Variants in PLEKHA6 observed in about 807,000 individuals in gnomAD.
PLEKHA6 encodes pleckstrin homology domain containing A6, also known as pleckstrin homology domain-containing family A member 6.
In PLEKHA6, 60 loss-of-function variants were observed where a neutral mutation model predicts 116.7. The observed-to-expected ratio is 0.51, with a 90% confidence interval of 0.42 to 0.64. The LOEUF (loss-of-function observed/expected upper bound fraction) is 0.64, where lower values mean the gene tolerates loss of function less well. Among genes scored for constraint, PLEKHA6 ranks in the 30% least tolerant of loss-of-function variants. The pLI is 0.00. For missense variants in PLEKHA6, 1,338 were observed against 1,422.7 expected, an observed-to-expected ratio of 0.94 and a Z score of 0.96; for synonymous variants, 489 against 556.1, an observed-to-expected ratio of 0.88 and a Z score of 1.70.
In PLEKHA6 at chr1:204,244,826, C is replaced by T. The variant is rs778542303; in HGVS notation, c.2172+38G>A. The stretch of plus-strand genomic sequence containing the variant: ...TCAGACAAACGAGGATCTGGTCCTC[C>T]CTCCCCCACCTACCTTCTACTCCAT... On this transcript the variant is annotated intron_variant, in intron 15 of 22. Transcript: ENST00000272203. The T allele has an allele frequency of 2.7e-5, 40 of 1,483,084 alleles. 1 individual carries two copies. The South Asian group carries it at 5.1e-4, about 19-fold the overall frequency. The allele number at this position is 1,483,084 out of a possible 1,614,324, so 91.9% of individuals were successfully genotyped here.
chr1:204,325,895 C>T (rs769204940), intron 1 of PLEKHA6: 996 of 984,964 alleles, frequency 1.0e-3, no homozygotes, highest in Non-Finnish European at 1.2e-3. Context: ...GCTGCCATTT[C>T]CAGGCTGCCA....
upstream of PLEKHA6, among the ~76,000 whole-genome samples, chr1:204,364,205 C>T: frequency 6.6e-6 from 1 of 152,194 alleles, no homozygotes; most frequent in East Asian, 1.9e-4. Context: ...GTTTCTAACT[C>T]ATCCACCAAC....
intron 5 of PLEKHA6, 85 bp downstream of exon 5, chr1:204,267,390 G>A (rs1209501168): frequency 8.1e-7 from 1 of 1,237,296 alleles, no homozygotes; most frequent in Non-Finnish European, 1.2e-6. Flanking sequence ...CCCATCCAAA[G>A]CCAAGCTCGG....
chr1:204,313,285 T>G (rs543497185), intron 1 of PLEKHA6, among the ~76,000 whole-genome samples: 1 of 151,964 alleles, frequency 6.6e-6, no homozygotes, highest in Non-Finnish European at 1.5e-5. Flanking sequence ...CCTGTTGGAG[T>G]TCACCATCTT....
chr1:204,357,666 C>T (rs1184201538), intron 1 of PLEKHA6, among the ~76,000 whole-genome samples: 1 of 152,204 alleles, frequency 6.6e-6, no homozygotes, highest in Non-Finnish European at 1.5e-5. Flanking sequence ...TGCCAATGAC[C>T]TCATCAAATT....
chr1:204,251,280 G>T (rs970798786), intron 9 of PLEKHA6, among the ~76,000 whole-genome samples: 1 of 152,186 alleles, frequency 6.6e-6, no homozygotes, highest in African/African-American at 2.4e-5. Flanking sequence ...GCAGAGTTGC[G>T]ATCCCCAGCA....
chr1:204,255,255 C>T (rs1396830166), intron 9 of PLEKHA6, among the ~76,000 whole-genome samples: 1 of 152,130 alleles, frequency 6.6e-6, no homozygotes, highest in Admixed American at 6.5e-5. Flanking sequence ...TGAACTAAAT[C>T]CCTAGCATTT....
intron 1 of PLEKHA6, among the ~76,000 whole-genome samples, chr1:204,358,325 C>T (rs1286748292): frequency 6.6e-6 from 1 of 152,044 alleles, no homozygotes; most frequent in Non-Finnish European, 1.5e-5. Flanking sequence ...CAGGCCAGAG[C>T]CTAGCCGCTC....
chr1:204,288,484 C>T (rs1669425621), intron 1 of PLEKHA6, among the ~76,000 whole-genome samples: 1 of 152,166 alleles, frequency 6.6e-6, no homozygotes, highest in Admixed American at 6.5e-5. Flanking sequence ...ATTGGATGAG[C>T]CCACATTATG....
chr1:204,240,224 A>G (rs530748101), intron 17 of PLEKHA6, among the ~76,000 whole-genome samples: 1 of 152,338 alleles, frequency 6.6e-6, no homozygotes, highest in African/African-American at 2.4e-5. Flanking sequence ...ATTAAGGTCA[A>G]TGGGAAACTA....
intron 1 of PLEKHA6, among the ~76,000 whole-genome samples, chr1:204,376,298 C>T (rs2103424501): frequency 6.6e-6 from 1 of 152,308 alleles, no homozygotes; most frequent in African/African-American, 2.4e-5. Flanking sequence ...ACCCCAGATC[C>T]TCTGAATAGG....
At chr1:204,253,713 A>G (rs1337644267) in intron 9 of PLEKHA6, among the ~76,000 whole-genome samples, 1 of 151,986 alleles carries the variant, frequency 6.6e-6, no homozygotes, top group African/African-American at 2.4e-5. Context: ...ACCTGTCTGT[A>G]GTCCTAGCTG....
intron 1 of PLEKHA6, among the ~76,000 whole-genome samples, chr1:204,287,856 C>T (rs1344805683): frequency 6.6e-6 from 1 of 152,238 alleles, no homozygotes; most frequent in Non-Finnish European, 1.5e-5. Context: ...ATTGTCTTGA[C>T]ATCAGGACAG....
Position 204,261,184 on chromosome 1 carries a change from TCA to T in PLEKHA6, c.524+120_524+121del. The T allele has an allele frequency of 8.3e-7, 1 of 1,199,448 alleles. No individual in the cohort carries two copies. 74.3% of individuals were successfully genotyped at this position (1,199,448 alleles called of 1,614,324 possible). The stretch of plus-strand genomic sequence containing the variant: ...TCCCGCCTGGATGCAAGGAGACGGC[TCA>T]CACATTCTCCAGGGCTTCAAGTAGG... On this transcript the variant is annotated intron_variant, in intron 7 of 22. Transcript: ENST00000272203. The surrounding 1 kb of genome is among the most constrained non-coding windows in gnomAD (Gnocchi z 4.0).
In PLEKHA6 at chr1:204,323,955, GT is replaced by G. The variant is rs545186129; in HGVS notation, c.-95+35738del. ...CTGACTCCAGAGCTGTGCTCTTCAA[GT>G]TAGCCCAGTACAGTTCATCCATGAG... is the stretch of plus-strand genomic sequence containing the variant. On this transcript the variant is annotated intron_variant, in intron 1 of 22. Coordinates refer to ENST00000272203, the MANE Select transcript of PLEKHA6 (RefSeq NM_014935.5). Among the ~76,000 whole-genome samples, 408 of 152,264 alleles carry G rather than the reference GT, an allele frequency of 2.7e-3. 2 individuals carry two copies. The highest frequency in any genetic ancestry group is 2.6e-3 in the Non-Finnish European group (174 of 68,024).
At chr1:204,349,150 G>A (rs1351856181) in intron 1 of PLEKHA6, among the ~76,000 whole-genome samples, 2 of 152,150 alleles carry the variant, frequency 1.3e-5, no homozygotes, top group South Asian at 2.1e-4. Context: ...CCTGAGTTCC[G>A]GGCCTGGCTC....
intron 2 of PLEKHA6, among the ~76,000 whole-genome samples, chr1:204,370,971 T>C (rs562964079): frequency 1.2e-4 from 18 of 151,338 alleles, no homozygotes; most frequent in Non-Finnish European, 2.4e-4. Flanking sequence ...CGAGAATCTC[T>C]TGAACCCGGG....
At chr1:204,335,686 C>G (rs12090016) in intron 1 of PLEKHA6, among the ~76,000 whole-genome samples, 1 of 151,962 alleles carries the variant, frequency 6.6e-6, no homozygotes, top group Non-Finnish European at 1.5e-5. Context: ...AGAAAGCAGA[C>G]AGACAAGGAG....
intron 1 of PLEKHA6, among the ~76,000 whole-genome samples, chr1:204,283,177 C>T (rs889683151): frequency 1.3e-5 from 2 of 152,076 alleles, no homozygotes; most frequent in African/African-American, 2.4e-5. Context: ...CGGAGAGCAG[C>T]GACCCCACCC....
Sources: allele counts gnomAD v4.1 joint callset (sites outside exome capture counted in the v4.1 genomes callset), GRCh38; gene constraint gnomAD v4.1.1; non-coding constraint Gnocchi (gnomAD v3.1); transcripts MANE v1.5; gene names NCBI Gene and HGNC (gene_info 2026-07-23, HGNC 2026-07-21).